KRTAP6-3: variants seen among roughly 807,000 people sequenced by gnomAD.
KRTAP6-3 encodes the protein keratin-associated protein 6-3.
For synonymous variants in KRTAP6-3, 62 were observed against 57.5 expected (o/e 1.08, Z -0.36); for missense variants, 121 against 133.1 (o/e 0.91, Z 0.45).
At position 30,592,995 on chromosome 21, in the gene KRTAP6-3, G is replaced by C; in HGVS notation, c.*217G>C. 1 of 935,292 alleles carries C rather than the reference G, an allele frequency of 1.1e-6. No individual in the cohort carries two copies. Among genetic ancestry groups the C allele is most frequent in the Non-Finnish European group, 1.5e-6 (1 of 660,192 alleles). The allele number at this position is 935,292 out of a possible 1,614,324, so 57.9% of individuals were successfully genotyped here. On this transcript the variant is annotated 3_prime_UTR_variant, in exon 1 of 1. Coordinates refer to ENST00000391624, the MANE Select transcript of KRTAP6-3 (RefSeq NM_181605.4). The stretch of plus-strand genomic sequence containing the variant: ...CACCTGTCACTTCTCCTTTTATCAG[G>C]ATGATGGTGTCACAGTGACTCCTTT...
chr21:30,592,726 G>A lies in KRTAP6-3; in HGVS notation c.281G>A (p.Cys94Tyr), dbSNP rs376602609. Residue 94 changes from cysteine (C) to tyrosine (Y), a missense_variant, in exon 1 of 1, where the codon TGT (cysteine) becomes TAT (tyrosine). Coordinates refer to ENST00000391624, the MANE Select transcript of KRTAP6-3 (RefSeq NM_181605.4). ...TATGTCTCCCACTCCTTCTGTGGCT[G>A]TGGCTATAGGTGCGGCTCTGGCTAT... The A allele has an allele frequency of 6.4e-5, 103 of 1,612,378 alleles. No homozygotes were observed. In the African/African-American group the frequency reaches 1.2e-3, roughly 19 times the overall value.
Position 30,593,034 on chromosome 21 carries a change from C to G in KRTAP6-3, c.*256C>G. Reference sequence around the variant, plus strand: ...AGTGACTCCTTTGATGACTTTCATGCTGTAGTTTGTTTCTCTGCTGACCTA... The same window carrying G: ...AGTGACTCCTTTGATGACTTTCATGGTGTAGTTTGTTTCTCTGCTGACCTA... On this transcript the variant is annotated 3_prime_UTR_variant, in exon 1 of 1. Transcript: ENST00000391624. 1.8e-6 allele frequency: 1 copy of G among 564,868 alleles called. No homozygotes were observed. Among genetic ancestry groups the G allele is most frequent in the Non-Finnish European group, 2.8e-6 (1 of 353,162 alleles). 35.0% of individuals were successfully genotyped at this position (564,868 alleles called of 1,614,324 possible). A position where few individuals can be genotyped will look rare whatever the true frequency, so the allele number is the denominator to read the frequency against.
chr21:30,592,684 A>G lies in KRTAP6-3; in HGVS notation c.239A>G (p.Tyr80Cys), dbSNP rs751139257. Residue 80 changes from tyrosine (Y) to cysteine (C), a missense_variant, in exon 1 of 1, where the codon TAT becomes TGT. Transcript: ENST00000391624. ...GGCTACAGAGGCCTGGACTGTGGCT[A>G]TGGCTGTGGCTATGGCTATGTCTCC... 6.2e-7 allele frequency: 1 copy of G among 1,613,510 alleles called. No individual in the cohort carries two copies. The highest frequency in any genetic ancestry group is 1.7e-5 in the Admixed American group (1 of 59,952).
chr21:30,592,471 G>T lies in KRTAP6-3; in HGVS notation c.26G>T (p.Cys9Phe), dbSNP rs1980059650. ...ATGACCTCAACAACCAACACCATGT[G>T]TGGCAGCTACTACAGAAACTACAAT... Residue 9 changes from cysteine to phenylalanine, a missense_variant, in exon 1 of 1, where the codon TGT (cysteine) becomes TTT (phenylalanine). Physicochemically the swap from Cys to Phe is radical, Grantham distance 205. Transcript: ENST00000391624. 6.2e-7 allele frequency: 1 copy of T among 1,607,506 alleles called. No homozygotes were observed. The highest frequency in any genetic ancestry group is 2.2e-5 in the East Asian group (1 of 44,824).
chr21:30,593,015 T>A lies in KRTAP6-3; in HGVS notation c.*237T>A. 1 of 686,962 alleles carries A rather than the reference T, an allele frequency of 1.5e-6. No individual in the cohort carries two copies. Among genetic ancestry groups the A allele is most frequent in the Non-Finnish European group, 2.2e-6 (1 of 452,232 alleles). The allele number at this position is 686,962 out of a possible 1,614,324, so 42.6% of individuals were successfully genotyped here. On this transcript the variant is annotated 3_prime_UTR_variant, in exon 1 of 1. Transcript: ENST00000391624. ...ATCAGGATGATGGTGTCACAGTGAC[T>A]CCTTTGATGACTTTCATGCTGTAGT...
Position 30,592,675 on chromosome 21 carries a change from A to ACTGTGGCTATGG in KRTAP6-3, c.245_256dup (p.Cys82_Gly85dup), listed in dbSNP as rs768420649. 6 of 1,613,308 alleles carry ACTGTGGCTATGG rather than the reference A, an allele frequency of 3.7e-6. No homozygotes were observed. Among genetic ancestry groups the ACTGTGGCTATGG allele is most frequent in the East Asian group, 2.2e-5 (1 of 44,832 alleles). ...TGTGGCTGTGGCTACAGAGGCCTGGACTGTGGCTATGGCTGTGGCTATGGC... is the reference window on the plus strand; with the variant it reads ...TGTGGCTGTGGCTACAGAGGCCTGGACTGTGGCTATGGCTGTGGCTATGGCTGTGGCTATGGC... On this transcript the variant is annotated inframe_insertion, in exon 1 of 1. Transcript: ENST00000391624.
rs1980084202 is a variant in KRTAP6-3, at chr21:30,592,936, G to A, written c.*158G>A. 1 of 1,385,476 alleles carries A rather than the reference G, an allele frequency of 7.2e-7. No homozygotes were observed. The highest frequency in any genetic ancestry group is 3.0e-5 in the Admixed American group (1 of 33,708). 85.8% of individuals were successfully genotyped at this position (1,385,476 alleles called of 1,614,324 possible). ...CTACCATCTAACCCAAAAATACCCT[G>A]AGTTTCCATCATGAAGTGGGATAAG... On this transcript the variant is annotated 3_prime_UTR_variant, in exon 1 of 1. Coordinates refer to ENST00000391624, the MANE Select transcript of KRTAP6-3 (RefSeq NM_181605.4).
In KRTAP6-3 at chr21:30,592,683, T is replaced by C; in HGVS notation, c.238T>C (p.Tyr80His). The C allele has an allele frequency of 6.2e-7, 1 of 1,613,706 alleles. No individual in the cohort carries two copies. The highest frequency in any genetic ancestry group is 8.5e-7 in the Non-Finnish European group (1 of 1,179,778). Residue 80 changes from tyrosine to histidine, a missense_variant, in exon 1 of 1, where the codon TAT (tyrosine) becomes CAT (histidine). By Grantham distance (83) the Tyr-to-His change is moderately conservative. Transcript: ENST00000391624. ...TGGCTACAGAGGCCTGGACTGTGGC[T>C]ATGGCTGTGGCTATGGCTATGTCTC...
chr21:30,592,948 T>C lies in KRTAP6-3; in HGVS notation c.*170T>C. 1 of 1,347,188 alleles carries C rather than the reference T, an allele frequency of 7.4e-7. No individual in the cohort carries two copies. Among genetic ancestry groups the C allele is most frequent in the Middle Eastern group, 2.2e-4 (1 of 4,512 alleles). 83.5% of individuals were successfully genotyped at this position (1,347,188 alleles called of 1,614,324 possible). A position where few individuals can be genotyped will look rare whatever the true frequency, so the allele number is the denominator to read the frequency against. ...CCAAAAATACCCTGAGTTTCCATCA[T>C]GAAGTGGGATAAGGTGAAGTTCACC... On this transcript the variant is annotated 3_prime_UTR_variant, in exon 1 of 1. Coordinates refer to ENST00000391624, the MANE Select transcript of KRTAP6-3 (RefSeq NM_181605.4).
In KRTAP6-3 at chr21:30,592,781, A is replaced by G. The variant is rs1208111839; in HGVS notation, c.*3A>G. 7 of 1,585,466 alleles carry G rather than the reference A, an allele frequency of 4.4e-6. No homozygotes were observed. The highest frequency in any genetic ancestry group is 1.8e-5 in the Admixed American group (1 of 55,654). ...CCAGCTTTGGCTACTACTATTGAGGACACCATGGGAGACTCTCACCCTCTA... is the reference window on the plus strand; with the variant it reads ...CCAGCTTTGGCTACTACTATTGAGGGCACCATGGGAGACTCTCACCCTCTA... On this transcript the variant is annotated 3_prime_UTR_variant, in exon 1 of 1. Coordinates refer to ENST00000391624, the MANE Select transcript of KRTAP6-3 (RefSeq NM_181605.4).
rs761532391 is a variant in KRTAP6-3, at chr21:30,592,715, C to T, written c.270C>T (p.Ser90=). The T allele has an allele frequency of 1.9e-5, 30 of 1,613,108 alleles. No homozygotes were observed. The highest frequency in any genetic ancestry group is 2.5e-5 in the Non-Finnish European group (29 of 1,179,478). ...GTGGCTATGGCTATGTCTCCCACTCCTTCTGTGGCTGTGGCTATAGGTGCG... is the reference window on the plus strand; with the variant it reads ...GTGGCTATGGCTATGTCTCCCACTCTTTCTGTGGCTGTGGCTATAGGTGCG... The change falls in exon 1 of 1, where the codon TCC becomes TCT. Residue 90 remains serine, a synonymous_variant. Coordinates refer to ENST00000391624, the MANE Select transcript of KRTAP6-3 (RefSeq NM_181605.4).
At position 30,592,847 on chromosome 21, in the gene KRTAP6-3, C is replaced by A; in HGVS notation, c.*69C>A. 1 of 1,469,686 alleles carries A rather than the reference C, an allele frequency of 6.8e-7. No homozygotes were observed. The highest frequency in any genetic ancestry group is 9.0e-7 in the Non-Finnish European group (1 of 1,106,988). The allele number at this position is 1,469,686 out of a possible 1,614,324, so 91.0% of individuals were successfully genotyped here. Reference sequence around the variant, plus strand: ...ATTCACCAATTCTGAAGCCCACATGCTCTGAGCCTTTCCCTTGATTGATGA... The same window carrying A: ...ATTCACCAATTCTGAAGCCCACATGATCTGAGCCTTTCCCTTGATTGATGA... On this transcript the variant is annotated 3_prime_UTR_variant, in exon 1 of 1. Transcript: ENST00000391624.
the KRTAP6-3 span, chr21:30,592,481 C>A: frequency 6.2e-7 from 1 of 1,611,206 alleles, no homozygotes; most frequent in Non-Finnish European, 8.5e-7. Context: ...GTGGCAGCTA[C>A]TACAGAAACT....
In KRTAP6-3 at chr21:30,592,775, T is replaced by C. The variant is rs768510017; in HGVS notation, c.330T>C (p.Tyr110=). The C allele has an allele frequency of 1.9e-6, 3 of 1,594,722 alleles. No homozygotes were observed. The highest frequency in any genetic ancestry group is 2.3e-5 in the East Asian group (1 of 44,060). Reference sequence around the variant, plus strand: ...ATGGCTCCAGCTTTGGCTACTACTATTGAGGACACCATGGGAGACTCTCAC... The same window carrying C: ...ATGGCTCCAGCTTTGGCTACTACTACTGAGGACACCATGGGAGACTCTCAC... The change falls in exon 1 of 1, where the codon TAT becomes TAC. Residue 110 remains tyrosine, a synonymous_variant. Coordinates refer to ENST00000391624, the MANE Select transcript of KRTAP6-3 (RefSeq NM_181605.4).
chr21:30,592,618 A>T lies in KRTAP6-3; in HGVS notation c.173A>T (p.Tyr58Phe). The T allele has an allele frequency of 6.2e-7, 1 of 1,603,820 alleles. No homozygotes were observed. The highest frequency in any genetic ancestry group is 8.5e-7 in the Non-Finnish European group (1 of 1,172,326). Reference sequence around the variant, plus strand: ...GGCTATGGAGGCCTGGACTGTGGCTATGGAGGCCTGGGCTGTGGCTATGGC... The same window carrying T: ...GGCTATGGAGGCCTGGACTGTGGCTTTGGAGGCCTGGGCTGTGGCTATGGC... The change falls in exon 1 of 1, where the codon TAT becomes TTT. Residue 58 changes from tyrosine (Y) to phenylalanine (F), a missense_variant. Coordinates refer to ENST00000391624, the MANE Select transcript of KRTAP6-3 (RefSeq NM_181605.4).
Position 30,592,520 on chromosome 21 carries a change from T to G in KRTAP6-3, c.75T>G (p.Cys25Trp). The G allele has an allele frequency of 6.2e-7, 1 of 1,613,990 alleles. No homozygotes were observed. Among genetic ancestry groups the G allele is most frequent in the Non-Finnish European group, 8.5e-7 (1 of 1,179,946 alleles). Residue 25 changes from cysteine to tryptophan, a missense_variant, in exon 1 of 1, where the codon TGT becomes TGG. Physicochemically the swap from Cys to Trp is radical, Grantham distance 215. Transcript: ENST00000391624. Reference sequence around the variant, plus strand: ...ATGGTGGCCATGGCTATGGGTGCTGTGGCTACGGAGGCCTGGGCTGTGGTT... The same window carrying G: ...ATGGTGGCCATGGCTATGGGTGCTGGGGCTACGGAGGCCTGGGCTGTGGTT...
rs568427466 is a variant in KRTAP6-3 at position 30,592,526 on chromosome 21, C to T, written c.81C>T (p.Tyr27=). The stretch of plus-strand genomic sequence containing the variant: ...GCCATGGCTATGGGTGCTGTGGCTA[C>T]GGAGGCCTGGGCTGTGGTTATGGCG... Residue 27 remains tyrosine (Y), a synonymous_variant, in exon 1 of 1, where the codon TAC becomes TAT. Coordinates refer to ENST00000391624, the MANE Select transcript of KRTAP6-3 (RefSeq NM_181605.4). 76 of 1,613,966 alleles carry T rather than the reference C, an allele frequency of 4.7e-5. No individual in the cohort carries two copies. Among genetic ancestry groups the T allele is most frequent in the Middle Eastern group, 1.6e-4 (1 of 6,062 alleles).
In KRTAP6-3 at chr21:30,592,917, T is replaced by A; in HGVS notation, c.*139T>A. 6 of 1,416,520 alleles carry A rather than the reference T, an allele frequency of 4.2e-6. No homozygotes were observed. Among genetic ancestry groups the A allele is most frequent in the Non-Finnish European group, 5.6e-6 (6 of 1,077,360 alleles). 87.7% of individuals were successfully genotyped at this position (1,416,520 alleles called of 1,614,324 possible). The stretch of plus-strand genomic sequence containing the variant: ...AATATGATCTGTTGTTGATCTACCA[T>A]CTAACCCAAAAATACCCTGAGTTTC... On this transcript the variant is annotated 3_prime_UTR_variant, in exon 1 of 1. Transcript: ENST00000391624.
Position 30,592,745 on chromosome 21 carries a change from T to G in KRTAP6-3, c.300T>G (p.Ser100=), listed in dbSNP as rs376388028. The stretch of plus-strand genomic sequence containing the variant: ...GTGGCTGTGGCTATAGGTGCGGCTC[T>G]GGCTATGGCTCCAGCTTTGGCTACT... Residue 100 remains serine (S), a synonymous_variant, in exon 1 of 1, where the codon TCT becomes TCG. Coordinates refer to ENST00000391624, the MANE Select transcript of KRTAP6-3 (RefSeq NM_181605.4). 7 of 1,609,442 alleles carry G rather than the reference T, an allele frequency of 4.3e-6. No homozygotes were observed. The African/African-American group carries it at 8.0e-5, about 18-fold the overall frequency.
Sources: gnomAD v4.1 joint callset for allele counts on GRCh38, gnomAD v4.1.1 for gene constraint, MANE v1.5 for transcripts, NCBI Gene and HGNC (gene_info 2026-07-23, HGNC 2026-07-21) for gene names.